Variants in CYRIB observed in about 807,000 individuals in gnomAD.
The protein encoded by CYRIB is CYFIP-related Rac1 interactor B.
A neutral mutation model predicts 44.2 loss-of-function variants in CYRIB; 8 were observed. The ratio of observed to expected loss-of-function variants is 0.18; its 90% CI spans 0.11 to 0.33. CYRIB has a LOEUF of 0.33. CYRIB is among the 10% of genes least tolerant of loss of function. The pLI is 1.00. For missense variants in CYRIB, 185 were observed against 382.8 expected, an observed-to-expected ratio of 0.48 and a Z score of 4.31; for synonymous variants, 131 against 127.2, an observed-to-expected ratio of 1.03 and a Z score of -0.20.
intron 2 of CYRIB, among the ~76,000 whole-genome samples, chr8:129,884,161 A>C (rs1439531538): frequency 6.6e-6 from 1 of 152,156 alleles, no homozygotes; most frequent in East Asian, 1.9e-4. Context: ...TCTGGTTTTA[A>C]GATACCCTAG....
intron 1 of CYRIB, among the ~76,000 whole-genome samples, chr8:130,015,979 C>A (rs2097333161): frequency 6.6e-6 from 1 of 151,976 alleles, no homozygotes; most frequent in Non-Finnish European, 1.5e-5. Flanking sequence ...CGCACCGACA[C>A]CCGGCTCGCA....
At chr8:129,946,236 ACT>A (rs796162080) in intron 2 of CYRIB, among the ~76,000 whole-genome samples, 9 of 151,960 alleles carry the variant, frequency 5.9e-5, no homozygotes, top group African/African-American at 2.2e-4. Context: ...CTTAGAGAAG[ACT>A]CTATATTTTG....
chr8:129,844,561 T>G lies in CYRIB; in HGVS notation c.911+2243A>C, dbSNP rs187174095. ...ATCTGAACTCCCAGCTCTCTTTTTT[T>G]CTTTCCCTCTTATGATTAAATGTAT... is the stretch of plus-strand genomic sequence containing the variant. On this transcript the variant is annotated intron_variant, in intron 11 of 11. Transcript: ENST00000519824. The G allele has an allele frequency of 1.7e-4, 26 of 152,382 alleles. No homozygotes were observed. In the East Asian group the frequency reaches 3.5e-3, roughly 20 times the overall value. 9.4% of individuals were successfully genotyped at this position (152,382 alleles called of 1,614,324 possible). A position where few individuals can be genotyped will look rare whatever the true frequency, so the allele number is the denominator to read the frequency against.
chr8:129,896,486 A>C (rs2068111047), intron 2 of CYRIB, among the ~76,000 whole-genome samples: 1 of 152,210 alleles, frequency 6.6e-6, no homozygotes, highest in Admixed American at 6.5e-5. Flanking sequence ...ACCACCTCTG[A>C]GCTAATCTTC....
At chr8:129,963,660 T>C (rs370143610) in intron 2 of CYRIB, among the ~76,000 whole-genome samples, 2 of 152,320 alleles carry the variant, frequency 1.3e-5, no homozygotes, top group African/African-American at 4.8e-5. Flanking sequence ...ACATTCATCT[T>C]ACAGTAAACT....
intron 5 of CYRIB, among the ~76,000 whole-genome samples, chr8:129,860,725 A>C (rs1587635265): frequency 2.6e-5 from 4 of 152,286 alleles, no homozygotes; most frequent in East Asian, 3.9e-4. Flanking sequence ...AAATATAGTA[A>C]GATATTAAAA....
chr8:129,887,575 C>T (rs1203385271), intron 2 of CYRIB, among the ~76,000 whole-genome samples: 1 of 152,164 alleles, frequency 6.6e-6, no homozygotes, highest in Admixed American at 6.5e-5. Context: ...ACAGCTTGCA[C>T]CATGCACCTG....
chr8:130,004,861 G>A (rs1386374666), intron 1 of CYRIB, among the ~76,000 whole-genome samples: 6 of 147,522 alleles, frequency 4.1e-5, no homozygotes, highest in African/African-American at 1.0e-4. Flanking sequence ...CTGCCTCCCC[G>A]GTTCAAGTGT....
intron 1 of CYRIB, among the ~76,000 whole-genome samples, chr8:129,911,402 T>A (rs2077937787): frequency 6.6e-6 from 1 of 152,214 alleles, no homozygotes; most frequent in African/African-American, 2.4e-5. Flanking sequence ...ACAATCTTGT[T>A]CAATATTTAT....
At chr8:129,879,269 AT>A in intron 3 of CYRIB, 119 bp downstream of exon 5, 1 of 681,052 alleles carries the variant, frequency 1.5e-6, no homozygotes, top group Non-Finnish European at 2.5e-6. Flanking sequence ...TACTCAAACA[AT>A]TCATAGCTCA....
intron 2 of CYRIB, among the ~76,000 whole-genome samples, chr8:129,895,399 T>C (rs1207231261): frequency 8.3e-6 from 1 of 120,918 alleles, no homozygotes; most frequent in African/African-American, 2.9e-5. Context: ...GTTTATGGTG[T>C]TGTTTGTCAT....
chr8:129,962,152 G>A (rs144407067), intron 2 of CYRIB, among the ~76,000 whole-genome samples: 481 of 152,120 alleles, frequency 3.2e-3, no homozygotes, highest in Non-Finnish European at 4.9e-3. Context: ...GGAGGCTGAG[G>A]TGGATCACCT....
At chr8:129,943,821 G>T (rs376090845), upstream of CYRIB, among the ~76,000 whole-genome samples, 15 of 148,062 alleles carry the variant, frequency 1.0e-4, no homozygotes, top group Non-Finnish European at 3.0e-5. Flanking sequence ...GGATGGTCTC[G>T]ATCTCCTGAC....
intron 2 of CYRIB, among the ~76,000 whole-genome samples, chr8:129,895,396 G>C (rs1179339904): frequency 1.6e-5 from 2 of 121,880 alleles, no homozygotes; most frequent in Non-Finnish European, 1.9e-5. Flanking sequence ...TTTGTTTATG[G>C]TGTTGTTTGT....
intron 1 of CYRIB, among the ~76,000 whole-genome samples, chr8:129,931,967 T>C (rs771826346): frequency 6.6e-6 from 1 of 151,924 alleles, no homozygotes; most frequent in Non-Finnish European, 1.5e-5. Context: ...AATTTATATA[T>C]GTTAGGAAAT....
chr8:129,977,580 G>T (rs1353864460), intron 1 of CYRIB, among the ~76,000 whole-genome samples: 1 of 151,500 alleles, frequency 6.6e-6, no homozygotes, highest in Non-Finnish European at 1.5e-5. Context: ...CACCCAGGCT[G>T]GAGTGCAGTG....
intron 2 of CYRIB, among the ~76,000 whole-genome samples, chr8:129,881,821 T>G (rs1302524955): frequency 1.3e-5 from 2 of 152,234 alleles, no homozygotes; most frequent in Non-Finnish European, 2.9e-5. Context: ...AGGGAAATAT[T>G]TAATATTTTG....
chr8:129,869,440 G>A (rs757968811), intron 4 of CYRIB, among the ~76,000 whole-genome samples: 2 of 149,176 alleles, frequency 1.3e-5, no homozygotes, highest in Non-Finnish European at 3.0e-5. Context: ...TCTCTATAGC[G>A]AGTAAGATTT....
chr8:129,914,054 C>T (rs2079461179), intron 1 of CYRIB, among the ~76,000 whole-genome samples: 1 of 152,192 alleles, frequency 6.6e-6, no homozygotes, highest in Non-Finnish European at 1.5e-5. Context: ...AGTCACTAGT[C>T]ACTGCATACC....
Sources: allele counts gnomAD v4.1 joint callset (sites outside exome capture counted in the v4.1 genomes callset), GRCh38; gene constraint gnomAD v4.1.1; transcripts MANE v1.5; gene names NCBI Gene and HGNC (gene_info 2026-07-23, HGNC 2026-07-21).